Variants in RTKN2 observed in about 807,000 individuals in gnomAD.
RTKN2 encodes rhotekin-2.
A neutral mutation model predicts 71.5 loss-of-function variants in RTKN2; 69 were observed. The ratio of observed to expected loss-of-function variants is 0.96; its 90% confidence interval spans 0.79 to 1.18. The LOEUF (loss-of-function observed/expected upper bound fraction) is 1.18. Among genes scored for constraint, RTKN2 ranks in the 50% most tolerant of loss-of-function variants. RTKN2 has a pLI of 0.00. For missense variants in RTKN2, 724 were observed against 719.7 expected, an observed-to-expected ratio of 1.01 and a Z score of -0.07; for synonymous variants, 236 against 236.5, an observed-to-expected ratio of 1.00 and a Z score of 0.02.
downstream of RTKN2, among the ~76,000 whole-genome samples, chr10:62,190,906 C>T (rs1423320974): frequency 6.6e-6 from 1 of 152,140 alleles, no homozygotes; most frequent in Non-Finnish European, 1.5e-5. Flanking sequence ...CTACAATTTA[C>T]TTCACAATAC....
At chr10:62,245,790 G>A (rs548923745) in intron 3 of RTKN2, among the ~76,000 whole-genome samples, 4 of 149,264 alleles carry the variant, frequency 2.7e-5, no homozygotes, top group Non-Finnish European at 1.5e-5. Context: ...AAACTGTAGA[G>A]TATGTAACAT....
In RTKN2 at chr10:62,212,341, C is replaced by G. The variant is rs370312473; in HGVS notation, c.1020+4777G>C. On this transcript the variant is annotated intron_variant, in intron 9 of 11. Transcript: ENST00000373789. ...CCAAGATGGCACCACTGCAATCCAG[C>G]CTGGGCAACAGAGTAAGACTCTGTC... 1.1e-4 allele frequency among the ~76,000 whole-genome samples: 17 copies of G among 151,094 alleles called. No individual in the cohort carries two copies. In the East Asian group the frequency reaches 2.3e-3, roughly 21 times the overall value.
intron 6 of RTKN2, among the ~76,000 whole-genome samples, chr10:62,232,315 CTTTTTT>C (rs56139482): frequency 8.5e-6 from 1 of 117,196 alleles, no homozygotes. Context: ...TTCTTTCTTT[CTTTTTT>C]TTTTTTTTTT....
At chr10:62,231,984 C>T (rs939734451) in intron 6 of RTKN2, among the ~76,000 whole-genome samples, 2 of 152,190 alleles carry the variant, frequency 1.3e-5, no homozygotes, top group Non-Finnish European at 2.9e-5. Flanking sequence ...CTAGTAGACT[C>T]TGGGTTCACA....
chr10:62,235,730 T>C (rs1842244223), intron 6 of RTKN2, among the ~76,000 whole-genome samples: 1 of 151,912 alleles, frequency 6.6e-6, no homozygotes, highest in Non-Finnish European at 1.5e-5. Flanking sequence ...TGTTTAGTCC[T>C]GGGTGCCATC....
chr10:62,267,004 T>C (rs1589392260), intron 1 of RTKN2, among the ~76,000 whole-genome samples: 1 of 152,228 alleles, frequency 6.6e-6, no homozygotes, highest in South Asian at 2.1e-4. Context: ...CTCAAAATCT[T>C]TGGCCTTATC....
chr10:62,185,126 G>A (rs1284792318), intron 8 of RTKN2, among the ~76,000 whole-genome samples: 2 of 151,694 alleles, frequency 1.3e-5, no homozygotes, highest in East Asian at 3.9e-4. Context: ...AACTTTAGAT[G>A]ACTCTCCTCT....
In RTKN2 at chr10:62,204,938, TA is replaced by T. The variant is rs1158927990; in HGVS notation, c.1104del (p.Ile369Ter). On this transcript the variant is annotated frameshift_variant, in exon 10 of 12. Coordinates refer to ENST00000373789, the MANE Select transcript of RTKN2 (RefSeq NM_145307.4). LOFTEE classifies it high-confidence loss of function. ...FSVINPVPGQ[A>X]ITQIFAVDNR... The stretch of plus-strand genomic sequence containing the variant: ...TTGTCAACTGCAAAAATCTGAGTTA[TA>T]GCTTGTCCAGGAACAGGATTGATGA... 1.2e-6 allele frequency: 2 copies of T among 1,605,650 alleles called. No homozygotes were observed. The highest frequency in any genetic ancestry group is 1.7e-6 in the Non-Finnish European group (2 of 1,177,166).
chr10:62,267,756 ATTTC>A (rs1842892271), intron 1 of RTKN2, among the ~76,000 whole-genome samples: 1 of 152,190 alleles, frequency 6.6e-6, no homozygotes, highest in African/African-American at 2.4e-5. Flanking sequence ...GGCTTAACCT[ATTTC>A]TGAAGTAGGT....
At chr10:62,224,756 T>C (rs1841984390) in intron 6 of RTKN2, among the ~76,000 whole-genome samples, 1 of 151,908 alleles carries the variant, frequency 6.6e-6, no homozygotes, top group Non-Finnish European at 1.5e-5. Flanking sequence ...CATAAAAGAA[T>C]CTAGCCAAGC....
chr10:62,225,560 T>C (rs553313279), intron 6 of RTKN2, among the ~76,000 whole-genome samples: 8 of 152,352 alleles, frequency 5.3e-5, no homozygotes, highest in Admixed American at 2.0e-4. Flanking sequence ...CTCCTTCTTC[T>C]GGTTATCTAC....
At chr10:62,258,320 A>C (rs1842710807) in intron 2 of RTKN2, among the ~76,000 whole-genome samples, 1 of 152,204 alleles carries the variant, frequency 6.6e-6, no homozygotes, top group Non-Finnish European at 1.5e-5. Context: ...AAGTAAGATT[A>C]TTTGACTTCT....
chr10:62,233,721 T>C (rs1486205685), intron 6 of RTKN2, among the ~76,000 whole-genome samples: 1 of 152,172 alleles, frequency 6.6e-6, no homozygotes, highest in Non-Finnish European at 1.5e-5. Flanking sequence ...AGCATGAGCA[T>C]CAATCCAAAG....
At chr10:62,256,344 G>A (rs1842674673) in intron 2 of RTKN2, among the ~76,000 whole-genome samples, 1 of 152,088 alleles carries the variant, frequency 6.6e-6, no homozygotes, top group African/African-American at 2.4e-5. Flanking sequence ...AAGTATAAAT[G>A]ACAAGGGGTT....
At chr10:62,218,144 AAGATTT>A (rs1212755196) in intron 8 of RTKN2, 45 bp downstream of exon 8, 1 of 1,162,484 alleles carries the variant, frequency 8.6e-7, no homozygotes, top group South Asian at 1.3e-5. Flanking sequence ...CCTGTATATT[AAGATTT>A]AAAGTAGAGC....
At chr10:62,203,903 G>A (rs1162752391) in intron 10 of RTKN2, among the ~76,000 whole-genome samples, 1 of 152,138 alleles carries the variant, frequency 6.6e-6, no homozygotes, top group Admixed American at 6.5e-5. Context: ...TCTGTTATAC[G>A]GGAAATAATC....
rs1467961628 is a variant in RTKN2 at position 62,198,258 on chromosome 10, A to G, written c.1480T>C (p.Leu494=). 1.2e-6 allele frequency: 2 copies of G among 1,613,892 alleles called. No homozygotes were observed. The highest frequency in any genetic ancestry group is 2.7e-5 in the African/African-American group (2 of 74,884). ...KKVLYPASEP[L]HDEKGKKRQA... is the part of the protein sequence containing the mutation. ...CTCTTTTTCCCTTTTTCATCATGTA[A>G]TGGCTCACTTGCAGGATACAGTACC... The change falls in exon 12 of 12, where the codon TTA becomes CTA. Residue 494 remains leucine, a synonymous_variant. Coordinates refer to ENST00000373789, the MANE Select transcript of RTKN2 (RefSeq NM_145307.4).
chr10:62,268,407 T>C (rs1463145850), intron 1 of RTKN2, 144 bp downstream of exon 1: 1 of 821,366 alleles, frequency 1.2e-6, no homozygotes, highest in Non-Finnish European at 2.1e-6. Context: ...GAGCGCAGTC[T>C]CCTAATCCCT....
At chr10:62,217,360 G>T in intron 8 of RTKN2, 111 bp from the exon 9 acceptor site, 1 of 748,502 alleles carries the variant, frequency 1.3e-6, no homozygotes, top group East Asian at 3.0e-5. Context: ...TTTTTAAAAT[G>T]TGATGGAATT....
Sources: allele counts gnomAD v4.1 joint callset (sites outside exome capture counted in the v4.1 genomes callset), GRCh38; gene constraint gnomAD v4.1.1; transcripts MANE v1.5; gene names NCBI Gene and HGNC (gene_info 2026-07-23, HGNC 2026-07-21).